The following LRRTM4 variants were observed in gnomAD, a reference collection of about 807,000 sequenced individuals.
LRRTM4 encodes the protein leucine-rich repeat transmembrane neuronal protein 4.
Under a neutral mutation model 47.6 loss-of-function variants are expected in LRRTM4, and 25 were observed. That is an observed-to-expected ratio of 0.53 (90% CI 0.38 to 0.73). The LOEUF is 0.73. LRRTM4 is among the 30% of genes least tolerant of loss of function. LRRTM4 has a pLI of 0.00. For synonymous variants in LRRTM4, 311 were observed against 269.5 expected, an observed-to-expected ratio of 1.15 and a Z score of -1.51; for missense variants, 638 against 713.4, an observed-to-expected ratio of 0.89 and a Z score of 1.20.
intron 3 of LRRTM4, among the ~76,000 whole-genome samples, chr2:77,375,644 G>A (rs1366912494): frequency 6.6e-6 from 1 of 151,560 alleles, no homozygotes; most frequent in African/African-American, 2.4e-5. Context: ...CTGCTTCCAT[G>A]AGTTTAACTA....
At chr2:77,417,919 G>T (rs1419598348) in intron 3 of LRRTM4, among the ~76,000 whole-genome samples, 1 of 151,880 alleles carries the variant, frequency 6.6e-6, no homozygotes, top group Non-Finnish European at 1.5e-5. Flanking sequence ...AATAAAAAAA[G>T]AAAAATATAC....
rs202111318 is a variant in LRRTM4, at chr2:77,404,733, G to GA, written c.1551+113584dup. Among the ~76,000 whole-genome samples the GA allele has an allele frequency of 9.8e-3, 1,483 of 151,966 alleles. 9 individuals are homozygous for GA. The highest frequency in any genetic ancestry group is 0.016 in the Non-Finnish European group (1,069 of 67,954). On this transcript the variant is annotated intron_variant, in intron 3 of 3. Transcript: ENST00000409884. ...ATCATCATAACCCTTGAATTTCTAT[G>GA]AAAAAAAGTGTTAAGCCATAGCCAG... is the stretch of plus-strand genomic sequence containing the variant.
intron 3 of LRRTM4, among the ~76,000 whole-genome samples, chr2:76,939,163 T>C (rs890229085): frequency 1.2e-4 from 18 of 149,778 alleles, no homozygotes; most frequent in Non-Finnish European, 2.4e-4. Flanking sequence ...GAAAAAAAAA[T>C]GGTGATTGTA....
intron 3 of LRRTM4, among the ~76,000 whole-genome samples, chr2:76,787,395 T>TCATACATTG (rs1221432180): frequency 6.6e-6 from 1 of 152,124 alleles, no homozygotes; most frequent in Non-Finnish European, 1.5e-5. Flanking sequence ...CTGCATAATC[T>TCATACATTG]CATACATTGT....
intron 3 of LRRTM4, among the ~76,000 whole-genome samples, chr2:77,316,052 T>C (rs1004541360): frequency 6.6e-6 from 1 of 152,204 alleles, no homozygotes; most frequent in Non-Finnish European, 1.5e-5. Flanking sequence ...CTGTCTTCTA[T>C]TGTTGGCAAT....
At chr2:76,752,752 G>A (rs1007683829) in intron 3 of LRRTM4, among the ~76,000 whole-genome samples, 3 of 152,160 alleles carry the variant, frequency 2.0e-5, no homozygotes, top group African/African-American at 7.2e-5. Flanking sequence ...CTGGGTCCCT[G>A]TGTGTGTCAT....
At chr2:77,356,601 T>C (rs554227426) in intron 3 of LRRTM4, among the ~76,000 whole-genome samples, 1 of 152,176 alleles carries the variant, frequency 6.6e-6, no homozygotes, top group South Asian at 2.1e-4. Flanking sequence ...AAATGAATCA[T>C]TAAGACAATT....
intron 3 of LRRTM4, among the ~76,000 whole-genome samples, chr2:77,471,583 C>T (rs189811944): frequency 6.6e-6 from 1 of 152,262 alleles, no homozygotes; most frequent in African/African-American, 2.4e-5. Flanking sequence ...TCCACTTTAG[C>T]CATGTGGTCT....
At chr2:76,829,726 T>C (rs1671280553) in intron 3 of LRRTM4, among the ~76,000 whole-genome samples, 1 of 152,032 alleles carries the variant, frequency 6.6e-6, no homozygotes, top group South Asian at 2.1e-4. Context: ...GTTGATATTA[T>C]TTATGTGCCT....
At chr2:76,770,524 G>A (rs906047008) in intron 3 of LRRTM4, among the ~76,000 whole-genome samples, 2 of 151,888 alleles carry the variant, frequency 1.3e-5, no homozygotes, top group African/African-American at 2.4e-5. Context: ...TATCAAATAT[G>A]TGTTCTCTAT....
chr2:77,480,822 G>GTGGAGAGA lies in LRRTM4; in HGVS notation c.1551+37495_1551+37496insTCTCTCCA, dbSNP rs1222517611. On this transcript the variant is annotated intron_variant, in intron 3 of 3. Transcript: ENST00000409884. ...TGTGTGTGTGTGTGTGTGTGTGTGT[G>GTGGAGAGA]GAGAGAGAGAGAGAGAGAGAGAGAG... Among the ~76,000 whole-genome samples the GTGGAGAGA allele has an allele frequency of 2.0e-3, 150 of 74,520 alleles. 1 individual carries two copies. The highest frequency in any genetic ancestry group is 6.7e-3 in the African/African-American group (110 of 16,312). The allele number at this position is 74,520 out of a possible 152,430, so 48.9% of individuals were successfully genotyped here.
At chr2:77,155,258 TA>T (rs1180784351) in intron 3 of LRRTM4, among the ~76,000 whole-genome samples, 1 of 151,942 alleles carries the variant, frequency 6.6e-6, no homozygotes, top group East Asian at 1.9e-4. Context: ...TAAATTTTTA[TA>T]AAAATGAAGG....
At chr2:76,936,688 C>A (rs1381228117) in intron 3 of LRRTM4, among the ~76,000 whole-genome samples, 2 of 151,376 alleles carry the variant, frequency 1.3e-5, no homozygotes, top group Non-Finnish European at 2.9e-5. Context: ...GGCACAGTGA[C>A]TCACGCCTCT....
At chr2:76,904,091 A>G (rs2103754867) in intron 3 of LRRTM4, among the ~76,000 whole-genome samples, 1 of 152,332 alleles carries the variant, frequency 6.6e-6, no homozygotes, top group South Asian at 2.1e-4. Flanking sequence ...CCTACTCAGA[A>G]CAACTGAAAT....
At chr2:76,902,320 C>A (rs1040883525) in intron 3 of LRRTM4, among the ~76,000 whole-genome samples, 1 of 152,072 alleles carries the variant, frequency 6.6e-6, no homozygotes, top group African/African-American at 2.4e-5. Context: ...TTTTATCTAT[C>A]TTTTTTTAAA....
chr2:76,821,328 T>C (rs1671048368), intron 3 of LRRTM4, among the ~76,000 whole-genome samples: 1 of 151,708 alleles, frequency 6.6e-6, no homozygotes, highest in Non-Finnish European at 1.5e-5. Context: ...AATGCATATG[T>C]CTGGCTCCCT....
rs569358447 is a variant in LRRTM4 at position 76,964,201 on chromosome 2, C to T, written c.1552-215285G>A. Among the ~76,000 whole-genome samples the T allele has an allele frequency of 9.3e-5, 14 of 150,778 alleles. No individual in the cohort carries two copies. The South Asian group carries it at 1.7e-3, about 18-fold the overall frequency. On this transcript the variant is annotated intron_variant, in intron 3 of 3. Transcript: ENST00000409884. ...GCACTTCACTTTAGTTGGAGGTAGA[C>T]GGGGGATAGTGTTATGTGTTGTTTG...
At chr2:77,321,712 C>T (rs560576600) in intron 3 of LRRTM4, among the ~76,000 whole-genome samples, 3 of 152,068 alleles carry the variant, frequency 2.0e-5, no homozygotes, top group Non-Finnish European at 4.4e-5. Flanking sequence ...GTGAATTTAA[C>T]ATTAGCAGGA....
At chr2:77,329,582 C>T (rs1159446489) in intron 3 of LRRTM4, among the ~76,000 whole-genome samples, 3 of 152,112 alleles carry the variant, frequency 2.0e-5, no homozygotes, top group African/African-American at 7.2e-5. Flanking sequence ...TCCCTGCACT[C>T]CCTTTGCACA....
Sources: gnomAD v4.1 joint callset for allele counts (sites outside exome capture counted in the v4.1 genomes callset) on GRCh38, gnomAD v4.1.1 for gene constraint, MANE v1.5 for transcripts, NCBI Gene and HGNC (gene_info 2026-07-23, HGNC 2026-07-21) for gene names.